Variants in GIN1 observed in about 807,000 individuals in gnomAD.
GIN1 encodes gypsy retrotransposon integrase 1, also known as gypsy retrotransposon integrase-like protein 1.
In GIN1, 41 loss-of-function variants were observed where a neutral mutation model predicts 51.4. That is an observed-to-expected ratio of 0.80 (90% CI 0.62 to 1.04). The LOEUF is 1.04. Among genes scored for constraint, GIN1 ranks in the 50% least tolerant of loss-of-function variants. The pLI is 0.00. For missense variants in GIN1, 610 were observed against 612.4 expected (o/e 1.00, Z 0.04); for synonymous variants, 222 against 206.5 (o/e 1.07, Z -0.64).
At chr5:103,102,213 C>T (rs1212753122) in intron 4 of GIN1, 1 of 152,132 alleles carries the variant, frequency 6.6e-6, no homozygotes, top group East Asian at 1.9e-4. Context: ...ATTCTAAAAT[C>T]ATATTACAGA....
chr5:103,089,436 TTTCA>T (rs10540235), intron 7 of GIN1, among the ~76,000 whole-genome samples: 13,305 of 151,632 alleles, frequency 0.088, 1,952 homozygotes, highest in African/African-American at 0.31. Flanking sequence ...TTTACTTATT[TTTCA>T]TTCATTCATT....
At chr5:103,089,465 C>T (rs57619412) in intron 7 of GIN1, among the ~76,000 whole-genome samples, 37,357 of 148,626 alleles carry the variant, frequency 0.25, 5,095 homozygotes, top group East Asian at 0.44. Context: ...CATTCATTCA[C>T]TCATTCATTC....
chr5:103,117,407 A>G (rs184500213), intron 1 of GIN1, among the ~76,000 whole-genome samples: 21 of 152,236 alleles, frequency 1.4e-4, no homozygotes, highest in Non-Finnish European at 7.4e-5. Context: ...ATTGCACTGC[A>G]TAAGAATGTT....
At position 103,113,090 on chromosome 5, in the gene GIN1, A is replaced by T. The variant is rs554904521; in HGVS notation, c.-7-4376T>A. On this transcript the variant is annotated intron_variant, in intron 1 of 7. Transcript: ENST00000399004. ...AACTTTATTCCATTGCCACTGCCTT[A>T]GCTCACACTCACCTTCTATCTGACC... is the stretch of plus-strand genomic sequence containing the variant. 1.8e-4 allele frequency among the ~76,000 whole-genome samples: 28 copies of T among 152,288 alleles called. No homozygotes were observed. The South Asian group carries it at 4.8e-3, about 26-fold the overall frequency.
chr5:103,097,226 C>T, intron 6 of GIN1, 88 bp downstream of exon 6: 4 of 739,984 alleles, frequency 5.4e-6, no homozygotes, highest in Non-Finnish European at 9.2e-6. Context: ...TGTGTGTGTG[C>T]ATGCACACAT....
At chr5:103,088,484 T>C (rs956552636) in intron 7 of GIN1, among the ~76,000 whole-genome samples, 12 of 152,112 alleles carry the variant, frequency 7.9e-5, no homozygotes, top group Non-Finnish European at 5.9e-5. Context: ...GTGAGAATTA[T>C]GGTATAGATT....
intron 1 of GIN1, among the ~76,000 whole-genome samples, chr5:103,110,758 C>A (rs257320): frequency 0.24 from 37,107 of 152,072 alleles, 5,165 homozygotes; most frequent in East Asian, 0.45. Flanking sequence ...CTATGACTAT[C>A]AAAATATGTG....
intron 1 of GIN1, among the ~76,000 whole-genome samples, chr5:103,111,080 T>C (rs777118971): frequency 6.6e-5 from 10 of 152,130 alleles, no homozygotes; most frequent in Non-Finnish European, 1.2e-4. Flanking sequence ...TTTCAATTCA[T>C]GAAGCCTTGT....
chr5:103,100,682 A>T (rs1338352150), intron 4 of GIN1, among the ~76,000 whole-genome samples: 2 of 151,726 alleles, frequency 1.3e-5, no homozygotes, highest in Non-Finnish European at 2.9e-5. Context: ...ATGAGCCACC[A>T]TGCTTGGCCC....
chr5:103,087,800 T>G lies in GIN1; in HGVS notation c.*98A>C, dbSNP rs1304817476. 5.3e-6 allele frequency: 3 copies of G among 568,770 alleles called. No homozygotes were observed. The highest frequency in any genetic ancestry group is 6.1e-6 in the Non-Finnish European group (2 of 327,268). 35.2% of individuals were successfully genotyped at this position (568,770 alleles called of 1,614,324 possible). On this transcript the variant is annotated 3_prime_UTR_variant, in exon 8 of 8. Coordinates refer to ENST00000399004, the MANE Select transcript of GIN1 (RefSeq NM_017676.2). Reference sequence around the variant, plus strand: ...ACCTTCAGAATATAGTCATTAAGAATGTGTCAAGATACTTCTTCTATACAA... The same window carrying G: ...ACCTTCAGAATATAGTCATTAAGAAGGTGTCAAGATACTTCTTCTATACAA...
At chr5:103,102,406 A>G (rs1787599829) in intron 4 of GIN1, 1 of 152,182 alleles carries the variant, frequency 6.6e-6, no homozygotes, top group African/African-American at 2.4e-5. Flanking sequence ...TTCAGTTTCA[A>G]CATTAGATCA....
intron 1 of GIN1, among the ~76,000 whole-genome samples, chr5:103,117,457 T>C (rs1255025109): frequency 1.2e-4 from 19 of 152,212 alleles, no homozygotes; most frequent in African/African-American, 2.4e-5. Flanking sequence ...CGTAAGATGA[T>C]AGCAGAGCAT....
At chr5:103,097,068 GACT>G (rs35332265) in intron 6 of GIN1, among the ~76,000 whole-genome samples, 39,034 of 151,976 alleles carry the variant, frequency 0.26, 5,503 homozygotes, top group East Asian at 0.45. Flanking sequence ...AAGCAGTTAA[GACT>G]ACAGATTTGA....
intron 7 of GIN1, among the ~76,000 whole-genome samples, chr5:103,090,550 G>A (rs1554194423): frequency 6.6e-6 from 1 of 152,088 alleles, no homozygotes; most frequent in African/African-American, 2.4e-5. Flanking sequence ...TAGGTTCAAG[G>A]CCTGTACATT....
Position 103,096,523 on chromosome 5 carries a change from G to T in GIN1, c.1294+18C>A, listed in dbSNP as rs782107369. ...TTACCTAAAGCAATAAAAATGTAGAGAAGTGACAGATATTTACCTTGTTCA... is the reference window on the plus strand; with the variant it reads ...TTACCTAAAGCAATAAAAATGTAGATAAGTGACAGATATTTACCTTGTTCA... On this transcript the variant is annotated intron_variant, in intron 7 of 7. Transcript: ENST00000399004. 20 of 1,548,366 alleles carry T rather than the reference G, an allele frequency of 1.3e-5. No homozygotes were observed. The highest frequency in any genetic ancestry group is 1.7e-5 in the Non-Finnish European group (19 of 1,132,346).
At chr5:103,107,652 T>TATCTATGTTATTC (rs1787764591) in intron 2 of GIN1, among the ~76,000 whole-genome samples, 1 of 152,118 alleles carries the variant, frequency 6.6e-6, no homozygotes, top group South Asian at 2.1e-4. Flanking sequence ...GCAGGAACCT[T>TATCTATGTTATTC]ATCTATGTTA....
At chr5:103,110,361 C>A (rs1787843826) in intron 1 of GIN1, among the ~76,000 whole-genome samples, 1 of 151,860 alleles carries the variant, frequency 6.6e-6, no homozygotes, top group African/African-American at 2.4e-5. Flanking sequence ...GGACTCAGAC[C>A]CAGTGTATGC....
In GIN1 at chr5:103,090,494, A is replaced by G. The variant is rs1439919345; in HGVS notation, c.1295-2322T>C. Reference sequence around the variant, plus strand: ...AGAACATTAAAAGGTTAGATAGGGTAAACATGTTGCTGATGAAATTTTCTA... The same window carrying G: ...AGAACATTAAAAGGTTAGATAGGGTGAACATGTTGCTGATGAAATTTTCTA... On this transcript the variant is annotated intron_variant, in intron 7 of 7. Coordinates refer to ENST00000399004, the MANE Select transcript of GIN1 (RefSeq NM_017676.2). 2.6e-5 allele frequency among the ~76,000 whole-genome samples: 4 copies of G among 152,180 alleles called. No individual in the cohort carries two copies. The South Asian group carries it at 8.3e-4, about 32-fold the overall frequency.
intron 3 of GIN1, 86 bp downstream of exon 3, chr5:103,106,630 A>G: frequency 1.3e-6 from 1 of 769,762 alleles, no homozygotes; most frequent in Non-Finnish European, 2.1e-6. Context: ...GAGAGGTGAT[A>G]CCCAGAATAA....
Sources: allele counts gnomAD v4.1 joint callset (sites outside exome capture counted in the v4.1 genomes callset), GRCh38; gene constraint gnomAD v4.1.1; transcripts MANE v1.5; gene names NCBI Gene and HGNC (gene_info 2026-07-23, HGNC 2026-07-21).